The following IRS1 variants were observed in gnomAD, a reference collection of about 807,000 sequenced individuals.
IRS1 encodes insulin receptor substrate 1.
IRS1 carries 34 observed loss-of-function variants against 65.6 expected under a neutral mutation model. The ratio of observed to expected loss-of-function variants is 0.52; its 90% confidence interval spans 0.39 to 0.69. IRS1 has a LOEUF of 0.69. IRS1 is among the 30% of genes least tolerant of loss of function. The pLI, the probability that IRS1 is intolerant of heterozygous loss-of-function variation, is 0.00. For synonymous variants in IRS1, 699 were observed against 683.5 expected (o/e 1.02, Z -0.35); for missense variants, 1,641 against 1,720.2 (o/e 0.95, Z 0.81).
chr2:226,748,794 G>A (rs73083610), intron 1 of IRS1, among the ~76,000 whole-genome samples: 2 of 152,150 alleles, frequency 1.3e-5, no homozygotes, highest in Admixed American at 1.3e-4. Context: ...AACAGCAAAG[G>A]GGGGATGCTC....
chr2:226,766,124 T>TATATAC, intron 1 of IRS1, among the ~76,000 whole-genome samples: 1 of 3,584 alleles, frequency 2.8e-4, no homozygotes, highest in Non-Finnish European at 5.7e-4. Flanking sequence ...CTTAATCTTA[T>TATATAC]ATATATATAT....
chr2:226,756,869 G>A (rs1938813858), intron 1 of IRS1, among the ~76,000 whole-genome samples: 1 of 152,042 alleles, frequency 6.6e-6, no homozygotes, highest in South Asian at 2.1e-4. Flanking sequence ...GGCTGAGACA[G>A]GAGAATCACG....
At position 226,731,802 on chromosome 2, in the gene IRS1, C is replaced by A. The variant is rs1938225250; in HGVS notation, c.*4470G>T. On this transcript the variant is annotated 3_prime_UTR_variant, in exon 2 of 2. Transcript: ENST00000305123. Reference sequence around the variant, plus strand: ...TTGCAAGAAAAAATTGTTTTGGGAACTACATTCTTAAGCCAATGGTGAAGT... The same window carrying A: ...TTGCAAGAAAAAATTGTTTTGGGAAATACATTCTTAAGCCAATGGTGAAGT... The A allele has an allele frequency of 6.6e-6, 1 of 151,790 alleles. No individual in the cohort carries two copies. Among genetic ancestry groups the A allele is most frequent in the Non-Finnish European group, 1.5e-5 (1 of 67,972 alleles). 9.4% of individuals were successfully genotyped at this position (151,790 alleles called of 1,614,324 possible). A position where few individuals can be genotyped will look rare whatever the true frequency, so the allele number is the denominator to read the frequency against.
chr2:226,732,489 T>TAC lies in IRS1; in HGVS notation c.*3782_*3783insGT, dbSNP rs1160649241. ...ACATCTATATATATATATATATATA[T>TAC]ATACACACACACACATATGTGTATC... On this transcript the variant is annotated 3_prime_UTR_variant, in exon 2 of 2. Transcript: ENST00000305123. The TAC allele has an allele frequency of 9.5e-5, 14 of 147,992 alleles. No individual in the cohort carries two copies. The highest frequency in any genetic ancestry group is 2.8e-4 in the African/African-American group (11 of 39,994). The allele number at this position is 147,992 out of a possible 1,614,324, so 9.2% of individuals were successfully genotyped here. A position where few individuals can be genotyped will look rare whatever the true frequency, so the allele number is the denominator to read the frequency against.
Position 226,740,016 on chromosome 2 carries a change from A to G in IRS1, c.*22-3766T>C, listed in dbSNP as rs184354477. 1.5e-3 allele frequency among the ~76,000 whole-genome samples: 222 copies of G among 152,370 alleles called. 1 individual carries two copies. The highest frequency in any genetic ancestry group is 4.6e-3 in the African/African-American group (192 of 41,596). On this transcript the variant is annotated intron_variant, in intron 1 of 1. Transcript: ENST00000305123. ...ACTGAAGGGAGACAATTGACAGACC[A>G]GAGGTAGCAAATATTGCTACAAAGT...
At chr2:226,762,214 G>C (rs1938929395) in intron 1 of IRS1, among the ~76,000 whole-genome samples, 1 of 152,148 alleles carries the variant, frequency 6.6e-6, no homozygotes. Context: ...TCACTATTCA[G>C]GGGTGGCATC....
chr2:226,793,479 G>C (rs566164554), intron 1 of IRS1, among the ~76,000 whole-genome samples: 5 of 152,252 alleles, frequency 3.3e-5, no homozygotes, highest in African/African-American at 1.2e-4. Flanking sequence ...AGTAAATACT[G>C]ATCAAATAAA....
In IRS1 at chr2:226,798,991, G is replaced by A. The variant is rs1939828526; in HGVS notation, c.-253C>T. 4.2e-6 allele frequency: 6 copies of A among 1,436,470 alleles called. No homozygotes were observed. The East Asian group carries it at 1.3e-4, about 31-fold the overall frequency. The allele number at this position is 1,436,470 out of a possible 1,614,324, so 89.0% of individuals were successfully genotyped here. ...CCCGGCGGGGAGGCAGTGCGTCCGG[G>A]GTGAGGGCAGCCCCGATCCTCCGAG... On this transcript the variant is annotated 5_prime_UTR_variant, in exon 1 of 2. Transcript: ENST00000305123. This position sits in a 1 kb window ranked among gnomAD's most constrained non-coding sequence, Gnocchi z 9.4.
intron 1 of IRS1, among the ~76,000 whole-genome samples, chr2:226,793,554 T>C (rs1488994654): frequency 2.0e-5 from 3 of 152,196 alleles, no homozygotes; most frequent in Non-Finnish European, 2.9e-5. Context: ...TCTTGTTCTA[T>C]AAAATAGAGA....
At chr2:226,766,121 TTATATATATATATA>T (rs1171119286) in intron 1 of IRS1, among the ~76,000 whole-genome samples, 12 of 14,236 alleles carry the variant, frequency 8.4e-4, no homozygotes, top group Non-Finnish European at 1.4e-3. Flanking sequence ...TCTCTTAATC[TTATATATATATATA>T]TATATATATA....
intron 1 of IRS1, among the ~76,000 whole-genome samples, chr2:226,758,021 A>G (rs1938840050): frequency 6.6e-6 from 1 of 152,228 alleles, no homozygotes; most frequent in Non-Finnish European, 1.5e-5. Flanking sequence ...CAAAACATTT[A>G]TGTGTCAAAA....
In IRS1 at chr2:226,794,985, G is replaced by A. The variant is rs757264674; in HGVS notation, c.*21+4C>T. ...TCTTCTGACTTTGTCACCATGAAAC[G>A]CACCTGCTGTGATGTCCAGTTGAGC... On this transcript the variant is annotated splice_donor_region_variant and intron_variant, in intron 1 of 1. Transcript: ENST00000305123. The surrounding 1 kb of genome is among the most constrained non-coding windows in gnomAD (Gnocchi z 4.1). 24 of 1,612,084 alleles carry A rather than the reference G, an allele frequency of 1.5e-5. No individual in the cohort carries two copies. The highest frequency in any genetic ancestry group is 1.2e-4 in the Admixed American group (7 of 60,010).
chr2:226,754,784 C>T (rs1938762282), intron 1 of IRS1, among the ~76,000 whole-genome samples: 1 of 152,174 alleles, frequency 6.6e-6, no homozygotes, highest in African/African-American at 2.4e-5. Flanking sequence ...ACTAAATCAG[C>T]TAAAACAACA....
At chr2:226,757,009 C>T (rs1390465564) in intron 1 of IRS1, among the ~76,000 whole-genome samples, 1 of 147,912 alleles carries the variant, frequency 6.8e-6, no homozygotes, top group Non-Finnish European at 1.5e-5. Flanking sequence ...AAATAAAATA[C>T]AATGGCTGCT....
At chr2:226,776,273 GCAGC>G (rs1300342333) in intron 1 of IRS1, among the ~76,000 whole-genome samples, 1 of 151,834 alleles carries the variant, frequency 6.6e-6, no homozygotes, top group Non-Finnish European at 1.5e-5. Flanking sequence ...TATAAAATAA[GCAGC>G]CATGAGTCCA....
rs549433497 is a variant in IRS1, at chr2:226,799,387, T to TGCTGCC, written c.-655_-650dup. On this transcript the variant is annotated 5_prime_UTR_variant, in exon 1 of 2. Coordinates refer to ENST00000305123, the MANE Select transcript of IRS1 (RefSeq NM_005544.3). The surrounding 1 kb of genome is among the most constrained non-coding windows in gnomAD (Gnocchi z 6.1). Reference sequence around the variant, plus strand: ...CTGTTGCTGCTGCTGCTGCTGCTGCTGCTGCCGCCGCCCGCGGGCGCGTCC... The same window carrying TGCTGCC: ...CTGTTGCTGCTGCTGCTGCTGCTGCTGCTGCCGCTGCCGCCGCCCGCGGGCGCGTCC... 28,939 of 1,262,048 alleles carry TGCTGCC rather than the reference T, an allele frequency of 0.023. 1,300 individuals are homozygous for TGCTGCC. The highest frequency in any genetic ancestry group is 0.15 in the African/African-American group (8,808 of 60,576). 78.2% of individuals were successfully genotyped at this position (1,262,048 alleles called of 1,614,324 possible). A position where few individuals can be genotyped will look rare whatever the true frequency, so the allele number is the denominator to read the frequency against.
chr2:226,758,335 A>G (rs1938845406), intron 1 of IRS1, among the ~76,000 whole-genome samples: 1 of 152,214 alleles, frequency 6.6e-6, no homozygotes, highest in South Asian at 2.1e-4. Context: ...TTAGTCTACT[A>G]CCATGACCAC....
chr2:226,778,988 A>G (rs1939329971), intron 1 of IRS1, among the ~76,000 whole-genome samples: 2 of 152,234 alleles, frequency 1.3e-5, no homozygotes. Flanking sequence ...GGAAGTTCTA[A>G]GAAAGCTTGA....
Position 226,764,350 on chromosome 2 carries a change from C to T in IRS1, c.*22-28100G>A, listed in dbSNP as rs141660231. Among the ~76,000 whole-genome samples the T allele has an allele frequency of 6.7e-3, 1,014 of 151,902 alleles. 6 individuals carry two copies. The highest frequency in any genetic ancestry group is 0.023 in the African/African-American group (944 of 41,416). ...CTTGAGGTCGGAAGTTTGAGACCAGCCTGGACAACATGGCAAGACCCCTTC... is the reference window on the plus strand; with the variant it reads ...CTTGAGGTCGGAAGTTTGAGACCAGTCTGGACAACATGGCAAGACCCCTTC... On this transcript the variant is annotated intron_variant, in intron 1 of 1. Coordinates refer to ENST00000305123, the MANE Select transcript of IRS1 (RefSeq NM_005544.3).
Sources: allele counts gnomAD v4.1 joint callset (sites outside exome capture counted in the v4.1 genomes callset), GRCh38; gene constraint gnomAD v4.1.1; non-coding constraint Gnocchi (gnomAD v3.1); transcripts MANE v1.5; gene names NCBI Gene and HGNC (gene_info 2026-07-23, HGNC 2026-07-21).